Variants in AP2B1 observed in about 807,000 individuals in gnomAD.
AP2B1 encodes AP-2 complex subunit beta.
AP2B1 carries 23 observed loss-of-function variants against 102.0 expected under a neutral mutation model. That is an observed-to-expected ratio of 0.23 (90% CI 0.16 to 0.32). The LOEUF (loss-of-function observed/expected upper bound fraction) is 0.32. Among genes scored for constraint, AP2B1 ranks in the 10% least tolerant of loss-of-function variants. The pLI is 1.00. For missense variants in AP2B1, 541 were observed against 1,157.4 expected, an observed-to-expected ratio of 0.47 and a Z score of 7.73; for synonymous variants, 381 against 421.2, an observed-to-expected ratio of 0.90 and a Z score of 1.17.
At chr17:35,692,610 T>G (rs1371430461) in intron 18 of AP2B1, among the ~76,000 whole-genome samples, 1 of 152,226 alleles carries the variant, frequency 6.6e-6, no homozygotes, top group African/African-American at 2.4e-5. Context: ...CTGCTCTCAT[T>G]CATGTTTACT....
chr17:35,604,573 C>CGGCT (rs398070910), intron 3 of AP2B1, among the ~76,000 whole-genome samples: 2 of 151,840 alleles, frequency 1.3e-5, no homozygotes, highest in African/African-American at 4.8e-5. Context: ...GCCTGGCTAA[C>CGGCT]ATGGTGAAAC....
chr17:35,596,519 CT>C (rs35095177), intron 2 of AP2B1, among the ~76,000 whole-genome samples: 21,687 of 143,408 alleles, frequency 0.15, 1,608 homozygotes, highest in East Asian at 0.2. Context: ...CTATTTCTTT[CT>C]TTTTTTTTTT....
chr17:35,649,084 T>A (rs2075017751), intron 12 of AP2B1, among the ~76,000 whole-genome samples: 1 of 152,164 alleles, frequency 6.6e-6, no homozygotes, highest in Admixed American at 6.5e-5. Context: ...ATTGAAATAG[T>A]TAATATTACG....
At chr17:35,621,575 AATC>A (rs1160446720) in intron 5 of AP2B1, among the ~76,000 whole-genome samples, 13 of 152,166 alleles carry the variant, frequency 8.5e-5, no homozygotes, top group Admixed American at 2.0e-4. Flanking sequence ...ACAATCATCT[AATC>A]TGATCTTTCT....
At chr17:35,670,793 G>T in intron 14 of AP2B1, 64 bp from the exon 15 acceptor site, 1 of 1,498,522 alleles carries the variant, frequency 6.7e-7, no homozygotes, top group East Asian at 2.3e-5. Flanking sequence ...ATTCTATATG[G>T]GCATCTAGTA....
chr17:35,601,067 A>C, intron 3 of AP2B1: 14 of 906,594 alleles, frequency 1.5e-5, no homozygotes, highest in Non-Finnish European at 1.8e-5. Context: ...GTAAAGGACA[A>C]AATAGTAAGT....
chr17:35,645,809 A>G (rs757588598), intron 12 of AP2B1, among the ~76,000 whole-genome samples: 1 of 152,248 alleles, frequency 6.6e-6, no homozygotes, highest in Non-Finnish European at 1.5e-5. Flanking sequence ...AGATCGTGCC[A>G]TTACACTCCA....
intron 18 of AP2B1, among the ~76,000 whole-genome samples, chr17:35,690,721 T>C (rs1032091645): frequency 6.6e-6 from 1 of 152,236 alleles, no homozygotes; most frequent in Admixed American, 6.5e-5. Context: ...CCATCTGTTT[T>C]CCAGGTACCA....
intron 20 of AP2B1, among the ~76,000 whole-genome samples, chr17:35,713,038 G>T (rs1322342931): frequency 6.6e-6 from 1 of 152,206 alleles, no homozygotes; most frequent in African/African-American, 2.4e-5. Flanking sequence ...CAAAATAACA[G>T]AGAAGAAAAA....
chr17:35,654,138 T>G (rs1053420686), intron 13 of AP2B1, among the ~76,000 whole-genome samples: 1 of 152,078 alleles, frequency 6.6e-6, no homozygotes, highest in Admixed American at 6.5e-5. Flanking sequence ...CTTGGCTCAC[T>G]GCAAGCTCCA....
chr17:35,687,091 C>T (rs994077409), intron 18 of AP2B1, among the ~76,000 whole-genome samples: 1 of 152,104 alleles, frequency 6.6e-6, no homozygotes, highest in African/African-American at 2.4e-5. Context: ...ACCTAAATAA[C>T]ATGCTCATAT....
chr17:35,704,828 C>T (rs1167707973), intron 18 of AP2B1, among the ~76,000 whole-genome samples: 2 of 152,034 alleles, frequency 1.3e-5, no homozygotes, highest in African/African-American at 2.4e-5. Context: ...GTCAGGAATT[C>T]GAGACCAGCC....
At position 35,624,596 on chromosome 17, in the gene AP2B1, GT is replaced by G; in HGVS notation, c.716+13del. 6.2e-7 allele frequency: 1 copy of G among 1,604,912 alleles called. No homozygotes were observed. Among genetic ancestry groups the G allele is most frequent in the African/African-American group, 1.3e-5 (1 of 74,580 alleles). ...GATCGGGAGGCTCAGAGGTCAGTCTGTTTTCCTGGCTACTTTCTGGTAGTCT... is the reference window on the plus strand; with the variant it reads ...GATCGGGAGGCTCAGAGGTCAGTCTGTTTCCTGGCTACTTTCTGGTAGTCT... On this transcript the variant is annotated intron_variant, in intron 6 of 21. Transcript: ENST00000610402.
chr17:35,599,674 C>T lies in AP2B1; in HGVS notation c.143+1339C>T, dbSNP rs2073411654. Among the ~76,000 whole-genome samples the T allele has an allele frequency of 2.6e-5, 4 of 152,200 alleles. No homozygotes were observed. The South Asian group carries it at 8.3e-4, about 32-fold the overall frequency. On this transcript the variant is annotated intron_variant, in intron 3 of 21. Transcript: ENST00000610402. The stretch of plus-strand genomic sequence containing the variant: ...ATCCCAGTATTTTGGGAGGCCGAGG[C>T]AGGCGGATCACTTGAGGGCAGGAGT...
At chr17:35,688,999 A>C (rs1009745137) in intron 18 of AP2B1, among the ~76,000 whole-genome samples, 1 of 152,184 alleles carries the variant, frequency 6.6e-6, no homozygotes, top group African/African-American at 2.4e-5. Flanking sequence ...CTTTTTTATG[A>C]AACATTTTTA....
intron 3 of AP2B1, among the ~76,000 whole-genome samples, chr17:35,602,779 C>G (rs2073533249): frequency 6.6e-6 from 1 of 152,168 alleles, no homozygotes; most frequent in Non-Finnish European, 1.5e-5. Flanking sequence ...GTTCAGGTTT[C>G]TAGTTTATAG....
intron 18 of AP2B1, among the ~76,000 whole-genome samples, chr17:35,698,299 GT>G (rs199846757): frequency 6.6e-6 from 1 of 150,482 alleles, no homozygotes; most frequent in Non-Finnish European, 1.5e-5. Flanking sequence ...CTTTGAGGGT[GT>G]TTTTTTTTGT....
At chr17:35,590,132 G>A (rs936725921) in intron 1 of AP2B1, among the ~76,000 whole-genome samples, 2 of 152,134 alleles carry the variant, frequency 1.3e-5, no homozygotes, top group Admixed American at 6.5e-5. Context: ...CACCGTGTTA[G>A]CCAGGATGGT....
chr17:35,676,437 T>C (rs569272702), intron 17 of AP2B1, among the ~76,000 whole-genome samples: 1 of 152,334 alleles, frequency 6.6e-6, no homozygotes, highest in East Asian at 1.9e-4. Flanking sequence ...TTGAAATGTG[T>C]ATATCAGCAG....
Sources: gnomAD v4.1 joint callset for allele counts (sites outside exome capture counted in the v4.1 genomes callset) on GRCh38, gnomAD v4.1.1 for gene constraint, MANE v1.5 for transcripts, NCBI Gene and HGNC (gene_info 2026-07-23, HGNC 2026-07-21) for gene names.